The following GAS2 variants were observed in gnomAD, a reference collection of about 807,000 sequenced individuals.
GAS2 encodes the protein growth arrest specific 2, also known as growth arrest-specific protein 2.
Under a neutral mutation model 37.5 loss-of-function variants are expected in GAS2, and 20 were observed. That is an observed-to-expected ratio of 0.53 (90% CI 0.37 to 0.77). The LOEUF (loss-of-function observed/expected upper bound fraction) is 0.77. Ranked by LOEUF, GAS2 falls within the 30% of genes least tolerant of loss-of-function variation. The pLI is 0.00. For synonymous variants in GAS2, 144 were observed against 132.2 expected (o/e 1.09, Z -0.61); for missense variants, 336 against 373.4 (o/e 0.90, Z 0.82).
intron 2 of GAS2, among the ~76,000 whole-genome samples, chr11:22,678,843 A>C (rs896411914): frequency 1.3e-5 from 2 of 152,002 alleles, no homozygotes; most frequent in Non-Finnish European, 2.9e-5. Flanking sequence ...TTCATATAAC[A>C]TTTGTATGTA....
chr11:22,660,288 A>T (rs539189339), intron 1 of GAS2, among the ~76,000 whole-genome samples: 1 of 152,180 alleles, frequency 6.6e-6, no homozygotes, highest in Non-Finnish European at 1.5e-5. Context: ...GAAGACTCAG[A>T]GAAGGGATGT....
In GAS2 at chr11:22,726,218, G is replaced by A. The variant is rs184666332; in HGVS notation, c.268-74G>A. 5.2e-5 allele frequency: 76 copies of A among 1,468,100 alleles called. No individual in the cohort carries two copies. The African/African-American group carries it at 9.6e-4, about 18-fold the overall frequency. The allele number at this position is 1,468,100 out of a possible 1,614,324, so 90.9% of individuals were successfully genotyped here. On this transcript the variant is annotated intron_variant, in intron 3 of 7. Coordinates refer to ENST00000454584, the MANE Select transcript of GAS2 (RefSeq NM_001143830.3). ...TGAGGTAATTCCGAAGCATTTTGTT[G>A]AAAACATGTTTTTAAAACATCATTG...
At chr11:22,804,642 A>G (rs1856808462) in intron 7 of GAS2, among the ~76,000 whole-genome samples, 4 of 152,090 alleles carry the variant, frequency 2.6e-5, no homozygotes, top group Non-Finnish European at 5.9e-5. Context: ...GAGTTAGAAC[A>G]TAGTGGGAGG....
chr11:22,644,646 A>T (rs1848667992), intron 1 of GAS2, among the ~76,000 whole-genome samples: 1 of 151,906 alleles, frequency 6.6e-6, no homozygotes, highest in Non-Finnish European at 1.5e-5. Flanking sequence ...TTTGAGATAG[A>T]GTCTTGCTTT....
intron 2 of GAS2, among the ~76,000 whole-genome samples, chr11:22,676,773 A>AG (rs1849447175): frequency 4.4e-5 from 1 of 22,584 alleles, no homozygotes; most frequent in Non-Finnish European, 1.7e-4. Context: ...AAGCATTGGT[A>AG]AAAAAAAGTG....
At chr11:22,724,088 T>C (rs1852077602) in intron 3 of GAS2, among the ~76,000 whole-genome samples, 1 of 152,002 alleles carries the variant, frequency 6.6e-6, no homozygotes, top group Non-Finnish European at 1.5e-5. Flanking sequence ...ATGTAAATAT[T>C]TATATATGTA....
chr11:22,710,105 A>G (rs186823180), intron 3 of GAS2, among the ~76,000 whole-genome samples: 5,822 of 152,160 alleles, frequency 0.038, 176 homozygotes, highest in Non-Finnish European at 0.059. Context: ...TGGCACATGT[A>G]TACATATGTA....
At position 22,685,792 on chromosome 11, in the gene GAS2, A is replaced by G. The variant is rs1849912884; in HGVS notation, c.267+3A>G. 5 of 1,609,760 alleles carry G rather than the reference A, an allele frequency of 3.1e-6. No homozygotes were observed. Among genetic ancestry groups the G allele is most frequent in the Non-Finnish European group, 4.2e-6 (5 of 1,178,632 alleles). ...TGGATGCTAACAAGCCCACAAAGGT[A>G]AAAGATCCCAATGCAAAAATCACTC... On this transcript the variant is annotated splice_donor_region_variant and intron_variant, in intron 3 of 7. Transcript: ENST00000454584.
chr11:22,646,098 C>T (rs573003402), intron 1 of GAS2, among the ~76,000 whole-genome samples: 1 of 152,182 alleles, frequency 6.6e-6, no homozygotes, highest in East Asian at 1.9e-4. Context: ...CTGTCTCGGC[C>T]TCCTGAAGTG....
chr11:22,697,032 G>C (rs1261645688), intron 3 of GAS2, among the ~76,000 whole-genome samples: 1 of 151,776 alleles, frequency 6.6e-6, no homozygotes, highest in East Asian at 1.9e-4. Flanking sequence ...CCTATGTCCT[G>C]AATGGTAATG....
Position 22,811,924 on chromosome 11 carries a change from AT to A in GAS2, c.851del (p.Ile284ThrfsTer8). The A allele has an allele frequency of 6.2e-7, 1 of 1,614,136 alleles. No homozygotes were observed. The highest frequency in any genetic ancestry group is 8.5e-7 in the Non-Finnish European group (1 of 1,180,010). ...ISRVDGKTSP[I>X]QSKSPTLKDM... ...CCGTGTGGATGGCAAAACATCCCCT[AT>A]CCAAAGCAAATCTCCAACTCTAAAG... On this transcript the variant is annotated frameshift_variant, in exon 8 of 8. Coordinates refer to ENST00000454584, the MANE Select transcript of GAS2 (RefSeq NM_001143830.3). LOFTEE classifies it high-confidence loss of function.
At chr11:22,741,456 A>C (rs1025662741) in intron 5 of GAS2, among the ~76,000 whole-genome samples, 5 of 151,742 alleles carry the variant, frequency 3.3e-5, no homozygotes, top group Admixed American at 1.3e-4. Flanking sequence ...TTATAATAGA[A>C]GTAAAAAAAA....
chr11:22,651,328 C>G (rs955302435), intron 1 of GAS2, among the ~76,000 whole-genome samples: 18 of 152,200 alleles, frequency 1.2e-4, no homozygotes, highest in African/African-American at 4.3e-4. Flanking sequence ...GTAACCCGAA[C>G]TTTCGCTCAG....
chr11:22,687,079 C>T (rs1387672318), intron 3 of GAS2, among the ~76,000 whole-genome samples: 2 of 152,024 alleles, frequency 1.3e-5, no homozygotes, highest in African/African-American at 4.8e-5. Context: ...AATCTCAGCA[C>T]TTTGCGGGGG....
intron 1 of GAS2, among the ~76,000 whole-genome samples, chr11:22,632,638 T>C (rs1164608852): frequency 6.6e-6 from 1 of 152,214 alleles, no homozygotes. Context: ...TTCCCTCAAA[T>C]AAATAAGTTT....
chr11:22,709,798 T>C (rs1423871144), intron 3 of GAS2, among the ~76,000 whole-genome samples: 4 of 152,180 alleles, frequency 2.6e-5, no homozygotes, highest in Non-Finnish European at 4.4e-5. Flanking sequence ...TAAGAAAATG[T>C]GGCACATATA....
At chr11:22,750,914 C>T (rs986547131) in intron 6 of GAS2, among the ~76,000 whole-genome samples, 1 of 151,610 alleles carries the variant, frequency 6.6e-6, no homozygotes, top group Admixed American at 6.6e-5. Context: ...GGCTAATGTC[C>T]CTCTTATCCT....
intron 4 of GAS2, among the ~76,000 whole-genome samples, chr11:22,736,298 T>G (rs894807531): frequency 1.3e-5 from 2 of 151,964 alleles, no homozygotes; most frequent in Non-Finnish European, 2.9e-5. Flanking sequence ...ATTCCCTAAC[T>G]AGGACTTTGT....
Position 22,641,312 on chromosome 11 carries a change from A to C in GAS2, c.-21+15499A>C, listed in dbSNP as rs61557740. Among the ~76,000 whole-genome samples, 2,020 of 64,360 alleles carry C rather than the reference A, an allele frequency of 0.031. 56 individuals are homozygous for C. In the East Asian group the frequency reaches 0.32, roughly 10 times the overall value. The allele number at this position is 64,360 out of a possible 152,430, so 42.2% of individuals were successfully genotyped here. ...TCTTTATATATATATCTTTATATATATTTATATATCTTTATATATATATTT... is the reference window on the plus strand; with the variant it reads ...TCTTTATATATATATCTTTATATATCTTTATATATCTTTATATATATATTT... On this transcript the variant is annotated intron_variant, in intron 1 of 5. Transcript: ENST00000528582.
Sources: allele counts gnomAD v4.1 joint callset (sites outside exome capture counted in the v4.1 genomes callset), GRCh38; gene constraint gnomAD v4.1.1; transcripts MANE v1.5; gene names NCBI Gene and HGNC (gene_info 2026-07-23, HGNC 2026-07-21).